The following SLC44A1 variants were observed in gnomAD, a reference collection of about 807,000 sequenced individuals.
SLC44A1 encodes solute carrier family 44 member 1, also known as choline transporter-like protein 1.
In SLC44A1, 26 loss-of-function variants were observed where a neutral mutation model predicts 79.3. The ratio of observed to expected loss-of-function variants is 0.33; its 90% CI spans 0.24 to 0.46. SLC44A1 has a LOEUF of 0.46. Ranked by LOEUF, SLC44A1 falls within the 20% of genes least tolerant of loss-of-function variation. SLC44A1 has a pLI of 1.00. For synonymous variants in SLC44A1, 263 were observed against 286.2 expected (o/e 0.92, Z 0.82); for missense variants, 688 against 798.1 (o/e 0.86, Z 1.66).
At chr9:105,339,443 A>G (rs1827021049) in intron 4 of SLC44A1, among the ~76,000 whole-genome samples, 1 of 152,224 alleles carries the variant, frequency 6.6e-6, no homozygotes, top group Non-Finnish European at 1.5e-5. Flanking sequence ...TCTTAAAGAG[A>G]TATTTGCACA....
chr9:105,328,612 T>C (rs1418158367), intron 3 of SLC44A1, among the ~76,000 whole-genome samples: 1 of 152,156 alleles, frequency 6.6e-6, no homozygotes, highest in Admixed American at 6.5e-5. Context: ...CTCTGCAGTT[T>C]AAAGTTATTT....
intron 12 of SLC44A1, among the ~76,000 whole-genome samples, chr9:105,369,407 G>C (rs567648676): frequency 1.3e-5 from 2 of 152,168 alleles, no homozygotes; most frequent in African/African-American, 4.8e-5. Flanking sequence ...CAGCTCTTTG[G>C]GGTATTTTTT....
chr9:105,259,060 A>G (rs1183130714), intron 1 of SLC44A1, among the ~76,000 whole-genome samples: 2 of 152,116 alleles, frequency 1.3e-5, no homozygotes, highest in Non-Finnish European at 2.9e-5. Flanking sequence ...ACCTCAAACT[A>G]TAGAGGCCAG....
intron 3 of SLC44A1, among the ~76,000 whole-genome samples, chr9:105,314,308 C>T (rs923225506): frequency 2.0e-5 from 3 of 152,122 alleles, no homozygotes; most frequent in Admixed American, 2.0e-4. Context: ...GAAGATATGG[C>T]AAAGTGGTGG....
chr9:105,387,927 A>G (rs1002872771), intron 15 of SLC44A1, among the ~76,000 whole-genome samples: 5 of 152,252 alleles, frequency 3.3e-5, no homozygotes, highest in East Asian at 3.9e-4. Flanking sequence ...TCCTATTAGT[A>G]TTTTCAGTTT....
chr9:105,312,382 G>T (rs78315596), intron 3 of SLC44A1, among the ~76,000 whole-genome samples: 2,045 of 152,032 alleles, frequency 0.013, 51 homozygotes, highest in African/African-American at 0.046. Context: ...CTTATTTTTT[G>T]ATTATTTGTT....
At chr9:105,376,110 A>G (rs1828274179) in intron 13 of SLC44A1, among the ~76,000 whole-genome samples, 1 of 152,154 alleles carries the variant, frequency 6.6e-6, no homozygotes, top group Non-Finnish European at 1.5e-5. Flanking sequence ...GCTCTAGCCA[A>G]CTGTATTTTT....
chr9:105,360,026 T>A (rs894277310), intron 7 of SLC44A1, among the ~76,000 whole-genome samples: 2 of 152,224 alleles, frequency 1.3e-5, no homozygotes, highest in African/African-American at 4.8e-5. Context: ...ATCCATTTTT[T>A]CACTGTGACC....
intron 1 of SLC44A1, among the ~76,000 whole-genome samples, chr9:105,247,163 A>T (rs1025898547): frequency 1.3e-5 from 2 of 150,138 alleles, no homozygotes; most frequent in Admixed American, 1.3e-4. Context: ...ATCGGCTGGT[A>T]TTTTAACTCT....
intron 2 of SLC44A1, chr9:105,299,827 T>G: frequency 1.0e-6 from 1 of 986,728 alleles, no homozygotes; most frequent in South Asian, 4.7e-5. Context: ...CAACGGCCCC[T>G]GCTGCCTGCT....
At position 105,396,956 on chromosome 9, in the gene SLC44A1, A is replaced by T; in HGVS notation, c.*7900A>T. On this transcript the variant is annotated 3_prime_UTR_variant, in exon 16 of 16. Transcript: ENST00000374720. Reference sequence around the variant, plus strand: ...GTGCTTGAACATGCCCCACAGACACAGTTGTAGCCCTAGTATTTGTGACGG... The same window carrying T: ...GTGCTTGAACATGCCCCACAGACACTGTTGTAGCCCTAGTATTTGTGACGG... The T allele has an allele frequency of 1.0e-6, 1 of 985,290 alleles. No homozygotes were observed. The highest frequency in any genetic ancestry group is 1.2e-6 in the Non-Finnish European group (1 of 829,824). 61.0% of individuals were successfully genotyped at this position (985,290 alleles called of 1,614,324 possible).
At chr9:105,299,389 T>C (rs934336961) in intron 2 of SLC44A1, 80 bp downstream of exon 2, 20 of 886,216 alleles carry the variant, frequency 2.3e-5, no homozygotes, top group East Asian at 2.2e-4. Context: ...TGAGGGCAGT[T>C]GTGGAATATA....
Position 105,418,877 on chromosome 9 carries a change from C to A in SLC44A1, c.1951-19404C>A, listed in dbSNP as rs552524682. Reference sequence around the variant, plus strand: ...TTGGCCAAGTCAACAGCCTAAAGGACCTTACTCTCAAAAATTTAGGTAAAA... The same window carrying A: ...TTGGCCAAGTCAACAGCCTAAAGGAACTTACTCTCAAAAATTTAGGTAAAA... On this transcript the variant is annotated intron_variant, in intron 15 of 15. Transcript: ENST00000374724. 3.3e-5 allele frequency among the ~76,000 whole-genome samples: 5 copies of A among 152,282 alleles called. No individual in the cohort carries two copies. The South Asian group carries it at 1.0e-3, about 32-fold the overall frequency.
intron 1 of SLC44A1, among the ~76,000 whole-genome samples, chr9:105,255,965 T>A (rs936314099): frequency 1.3e-5 from 2 of 152,178 alleles, no homozygotes; most frequent in Non-Finnish European, 2.9e-5. Context: ...ATCCTTCCCT[T>A]AAAAATGTTT....
chr9:105,412,689 C>A (rs1366898938), intron 15 of SLC44A1, among the ~76,000 whole-genome samples: 1 of 152,084 alleles, frequency 6.6e-6, no homozygotes, highest in Non-Finnish European at 1.5e-5. Flanking sequence ...GCAACCTCCG[C>A]CCCCTGGGTT....
chr9:105,340,190 T>C (rs1230814311), intron 4 of SLC44A1, among the ~76,000 whole-genome samples: 1 of 152,242 alleles, frequency 6.6e-6, no homozygotes, highest in Non-Finnish European at 1.5e-5. Context: ...TTATATGTTA[T>C]GCATTTTTTA....
rs764643373 is a variant in SLC44A1, at chr9:105,351,598, GAA to G, written c.500+3149_500+3150del. Among the ~76,000 whole-genome samples the G allele has an allele frequency of 6.0e-3, 546 of 90,666 alleles. 7 individuals carry two copies. The highest frequency in any genetic ancestry group is 8.0e-3 in the Non-Finnish European group (358 of 44,622). The allele number at this position is 90,666 out of a possible 152,430, so 59.5% of individuals were successfully genotyped here. Reference sequence around the variant, plus strand: ...AGAGAAAGAGAGAAAGAGAGAAAGAGAAAGAAAGAAAGAAAGAAAGAAAGAGA... The same window carrying G: ...AGAGAAAGAGAGAAAGAGAGAAAGAGAGAAAGAAAGAAAGAAAGAAAGAGA... On this transcript the variant is annotated intron_variant, in intron 5 of 15. Transcript: ENST00000374720.
chr9:105,388,257 A>C (rs553266156), intron 15 of SLC44A1, among the ~76,000 whole-genome samples: 12 of 152,226 alleles, frequency 7.9e-5, no homozygotes, highest in Non-Finnish European at 2.9e-5. Context: ...GTTGGCCCCT[A>C]CTAACACCAT....
Position 105,391,185 on chromosome 9 carries a change from G to T in SLC44A1, c.*2129G>T. On this transcript the variant is annotated 3_prime_UTR_variant, in exon 16 of 16. Coordinates refer to ENST00000374720, the MANE Select transcript of SLC44A1 (RefSeq NM_080546.5). The stretch of plus-strand genomic sequence containing the variant: ...TGGAAGTCCTGAACTTGGAAATTAG[G>T]TTCTACTCACTTGGACATCCCTGCA... The T allele has an allele frequency of 1.0e-6, 1 of 985,700 alleles. No individual in the cohort carries two copies. The highest frequency in any genetic ancestry group is 4.7e-5 in the South Asian group (1 of 21,280). 61.1% of individuals were successfully genotyped at this position (985,700 alleles called of 1,614,324 possible).
Sources: gnomAD v4.1 joint callset for allele counts (sites outside exome capture counted in the v4.1 genomes callset) on GRCh38, gnomAD v4.1.1 for gene constraint, MANE v1.5 for transcripts, NCBI Gene and HGNC (gene_info 2026-07-23, HGNC 2026-07-21) for gene names.